The following ROBO2 variants were observed in gnomAD, a reference collection of about 807,000 sequenced individuals.
ROBO2 encodes the protein roundabout homolog 2.
ROBO2 carries 53 observed loss-of-function variants against 160.8 expected under a neutral mutation model. The observed-to-expected ratio is 0.33, with a 90% CI of 0.26 to 0.41. ROBO2 has a LOEUF of 0.41. Among genes scored for constraint, ROBO2 ranks in the 10% least tolerant of loss-of-function variants. ROBO2 has a pLI of 1.00. For synonymous variants in ROBO2, 664 were observed against 611.7 expected (o/e 1.09, Z -1.26); for missense variants, 1,577 against 1,722.4 (o/e 0.92, Z 1.49).
At chr3:76,964,890 C>T (rs73104479) in intron 2 of ROBO2, among the ~76,000 whole-genome samples, 26,596 of 152,204 alleles carry the variant, frequency 0.17, 2,955 homozygotes, top group Admixed American at 0.27. Context: ...AACTAGAAAT[C>T]AACTAGTTAT....
rs1213181637 is a variant in ROBO2, at chr3:76,676,829, C to T, written c.110-421185C>T. ...CCCTCAGGTAACATCTGTTCCCAGGCCACTTCAAACTTCTTCTGTCCCTTT... is the reference window on the plus strand; with the variant it reads ...CCCTCAGGTAACATCTGTTCCCAGGTCACTTCAAACTTCTTCTGTCCCTTT... On this transcript the variant is annotated intron_variant, in intron 2 of 26. Transcript: ENST00000487694. Among the ~76,000 whole-genome samples the T allele has an allele frequency of 2.6e-5, 4 of 152,168 alleles. No homozygotes were observed. In the Middle Eastern group the frequency reaches 0.01, roughly 388 times the overall value.
At chr3:76,140,545 C>G (rs1033137385) in intron 2 of ROBO2, among the ~76,000 whole-genome samples, 27 of 151,986 alleles carry the variant, frequency 1.8e-4, no homozygotes, top group Admixed American at 6.6e-4. Flanking sequence ...ACAGTGAAAT[C>G]CTATCACTTT....
intron 2 of ROBO2, among the ~76,000 whole-genome samples, chr3:76,221,512 A>C (rs1172006459): frequency 1.3e-5 from 2 of 152,212 alleles, no homozygotes; most frequent in Non-Finnish European, 2.9e-5. Flanking sequence ...CTCATTTTCC[A>C]CGCTTTGATT....
intron 2 of ROBO2, among the ~76,000 whole-genome samples, chr3:76,131,408 C>T (rs1336921092): frequency 6.6e-6 from 1 of 151,998 alleles, no homozygotes; most frequent in Non-Finnish European, 1.5e-5. Flanking sequence ...TTCCTTAGGT[C>T]AAGTTTCTTG....
At chr3:76,256,431 G>GT (rs1559690230) in intron 2 of ROBO2, among the ~76,000 whole-genome samples, 1 of 151,332 alleles carries the variant, frequency 6.6e-6, no homozygotes, top group Non-Finnish European at 1.5e-5. Context: ...GTTAGGCCAG[G>GT]TGCAATGGCT....
At chr3:76,320,660 A>G (rs146516222) in intron 2 of ROBO2, among the ~76,000 whole-genome samples, 1 of 152,332 alleles carries the variant, frequency 6.6e-6, no homozygotes, top group South Asian at 2.1e-4. Flanking sequence ...TCTACAATCC[A>G]TAGAGGCCTA....
At chr3:77,601,950 G>A (rs774965136) in intron 19 of ROBO2, among the ~76,000 whole-genome samples, 12 of 152,126 alleles carry the variant, frequency 7.9e-5, no homozygotes, top group Admixed American at 1.3e-4. Context: ...TATGCCAACC[G>A]TCTCATTCAT....
intron 2 of ROBO2, among the ~76,000 whole-genome samples, chr3:76,030,162 T>C (rs1328342973): frequency 6.6e-6 from 1 of 152,244 alleles, no homozygotes; most frequent in Non-Finnish European, 1.5e-5. Context: ...AATAAATGTC[T>C]TCTTTTGAAA....
In ROBO2 at chr3:76,073,267, C is replaced by CTTTTTTTTTTT. The variant is rs869307615; in HGVS notation, c.109+135699_109+135709dup. Among the ~76,000 whole-genome samples, 19 of 57,400 alleles carry CTTTTTTTTTTT rather than the reference C, an allele frequency of 3.3e-4. 5 individuals are homozygous for CTTTTTTTTTTT. Among genetic ancestry groups the CTTTTTTTTTTT allele is most frequent in the Non-Finnish European group, 5.6e-4 (16 of 28,424 alleles). 37.7% of individuals were successfully genotyped at this position (57,400 alleles called of 152,430 possible). A position where few individuals can be genotyped will look rare whatever the true frequency, so the allele number is the denominator to read the frequency against. ...TTGTAAACTTCTCAGAATGAGTATT[C>CTTTTTTTTTTT]TTTTTTTTTTTTTTTTTTTTTTTTT... On this transcript the variant is annotated intron_variant, in intron 2 of 26. Coordinates refer to the ROBO2 transcript ENST00000487694.
chr3:76,511,584 C>G (rs978079646), intron 2 of ROBO2, among the ~76,000 whole-genome samples: 1 of 152,106 alleles, frequency 6.6e-6, no homozygotes, highest in Non-Finnish European at 1.5e-5. Flanking sequence ...TACTAGCCTC[C>G]GTGAACAGAG....
chr3:76,449,252 A>G lies in ROBO2; in HGVS notation c.109+511650A>G, dbSNP rs183137474. ...GTATTTTTTATAAATTATATCCAAA[A>G]ATGAAAATTAAAAAGGATGAAGTGT... On this transcript the variant is annotated intron_variant, in intron 2 of 26. Transcript: ENST00000487694. Among the ~76,000 whole-genome samples the G allele has an allele frequency of 6.7e-3, 1,019 of 152,232 alleles. 12 individuals carry two copies. Among genetic ancestry groups the G allele is most frequent in the Middle Eastern group, 0.027 (8 of 294 alleles).
intron 2 of ROBO2, among the ~76,000 whole-genome samples, chr3:77,335,148 T>C (rs1358925704): frequency 6.6e-6 from 1 of 152,172 alleles, no homozygotes; most frequent in Non-Finnish European, 1.5e-5. Context: ...AGTTTGGGCA[T>C]GGTGGCTCAC....
At chr3:77,457,356 T>C (rs1477207162) in intron 2 of ROBO2, among the ~76,000 whole-genome samples, 1 of 152,168 alleles carries the variant, frequency 6.6e-6, no homozygotes, top group Non-Finnish European at 1.5e-5. Context: ...AGCTATATAA[T>C]AGGGAGGACA....
chr3:76,198,501 C>G (rs1027932208), intron 2 of ROBO2, among the ~76,000 whole-genome samples: 1 of 152,098 alleles, frequency 6.6e-6, no homozygotes. Context: ...AAATGTATTT[C>G]TTTGACATAT....
chr3:77,206,763 G>A (rs2083496686), intron 2 of ROBO2, among the ~76,000 whole-genome samples: 1 of 151,828 alleles, frequency 6.6e-6, no homozygotes, highest in Non-Finnish European at 1.5e-5. Context: ...TAATTACTTG[G>A]CATTTTTAAG....
intron 2 of ROBO2, among the ~76,000 whole-genome samples, chr3:77,146,387 T>C (rs1366517173): frequency 6.6e-6 from 1 of 152,148 alleles, no homozygotes; most frequent in Non-Finnish European, 1.5e-5. Flanking sequence ...AACGTGGTAG[T>C]GGGTGATGAA....
rs371743151 is a variant in ROBO2 at position 77,196,167 on chromosome 3, C to T, written c.388+97827C>T. 1.2e-3 allele frequency among the ~76,000 whole-genome samples: 177 copies of T among 152,258 alleles called. 3 individuals are homozygous for T. In the South Asian group the frequency reaches 0.028, roughly 24 times the overall value. On this transcript the variant is annotated intron_variant, in intron 2 of 25. Transcript: ENST00000461745. ...ATAGGGGAGCCCCAGACAGGTAGCGCGGTGCTCACCATGCTTTGTATGGGA... is the reference window on the plus strand; with the variant it reads ...ATAGGGGAGCCCCAGACAGGTAGCGTGGTGCTCACCATGCTTTGTATGGGA...
At chr3:77,253,856 C>T (rs975181278) in intron 2 of ROBO2, among the ~76,000 whole-genome samples, 1 of 151,984 alleles carries the variant, frequency 6.6e-6, no homozygotes, top group Admixed American at 6.6e-5. Flanking sequence ...TGAATATAAA[C>T]TGATATTATT....
In ROBO2 at chr3:77,482,965, A is replaced by T. The variant is rs139495492; in HGVS notation, c.667+1746A>T. Among the ~76,000 whole-genome samples, 173 of 152,312 alleles carry T rather than the reference A, an allele frequency of 1.1e-3. 1 individual carries two copies. The highest frequency in any genetic ancestry group is 4.0e-3 in the African/African-American group (167 of 41,584). ...CAATTAGACTTACCACTAATGAGAC[A>T]TCCTTATGAAATATTTACTCTACTT... On this transcript the variant is annotated intron_variant, in intron 4 of 25. Transcript: ENST00000461745.
Sources: gnomAD v4.1 joint callset for allele counts (sites outside exome capture counted in the v4.1 genomes callset) on GRCh38, gnomAD v4.1.1 for gene constraint, MANE v1.5 for transcripts, NCBI Gene and HGNC (gene_info 2026-07-23, HGNC 2026-07-21) for gene names.